Variants in CHN1 observed in about 807,000 individuals in gnomAD.
CHN1 encodes N-chimaerin.
A neutral mutation model predicts 59.5 loss-of-function variants in CHN1; 37 were observed. That is an observed-to-expected ratio of 0.62 (90% confidence interval 0.48 to 0.82). The LOEUF (loss-of-function observed/expected upper bound fraction) is 0.82. CHN1 is among the 40% of genes least tolerant of loss of function. The pLI, the probability that CHN1 is intolerant of heterozygous loss-of-function variation, is 0.00. For missense variants in CHN1, 469 were observed against 571.0 expected (o/e 0.82, Z 1.82); for synonymous variants, 206 against 200.4 (o/e 1.03, Z -0.24).
In CHN1 at chr2:174,811,562, C is replaced by G. The variant is rs748359902; in HGVS notation, c.913G>C (p.Val305Leu). Residue 305 changes from valine to leucine, a missense_variant, in exon 10 of 13, where the codon GTA (valine) becomes CTA (leucine). By Grantham distance (32) the Val-to-Leu change is conservative. Transcript: ENST00000409900. ...TCAATTAGGTCACTAAATCCTGATA[C>G]TCGGTATAGTCCTTCAGAATTAAGA... Reference protein sequence around the residue: ...RGLNSEGLYRVSGFSDLIEDV... With the variant: ...RGLNSEGLYRLSGFSDLIEDV... 5 of 1,610,964 alleles carry G rather than the reference C, an allele frequency of 3.1e-6. No individual in the cohort carries two copies. The highest frequency in any genetic ancestry group is 4.2e-6 in the Non-Finnish European group (5 of 1,178,162).
intron 6 of CHN1, among the ~76,000 whole-genome samples, chr2:174,871,756 G>C (rs1460760275): frequency 6.6e-6 from 1 of 152,164 alleles, no homozygotes; most frequent in Admixed American, 6.5e-5. Context: ...AGATGCCTAA[G>C]TGTTATTAAA....
intron 10 of CHN1, 80 bp from the exon 11 acceptor site, chr2:174,809,122 A>G (rs1223654393): frequency 2.9e-5 from 37 of 1,265,254 alleles, no homozygotes; most frequent in African/African-American, 3.0e-5. Flanking sequence ...TCTGTATACA[A>G]ATCAGATTTT....
intron 11 of CHN1, among the ~76,000 whole-genome samples, chr2:174,803,791 C>A (rs544887246): frequency 6.6e-6 from 1 of 151,936 alleles, no homozygotes; most frequent in Non-Finnish European, 1.5e-5. Flanking sequence ...TGGGCTCAAG[C>A]GATCCTCCTG....
intron 8 of CHN1, among the ~76,000 whole-genome samples, chr2:174,819,908 T>C (rs1256356127): frequency 6.2e-5 from 9 of 145,912 alleles, no homozygotes; most frequent in African/African-American, 1.3e-4. Context: ...AGTGAGAACA[T>C]GCAGTGTTTG....
rs1244598472 is a variant in CHN1, at chr2:174,800,253, C to G, written c.1243G>C (p.Ala415Pro). ...TLHEKENLMN[A>P]ENLGIVFGPT... ...CCAAAGACGATTCCAAGGTTCTCTG[C>G]ATTCATAAGATTCTCCTTTTCGTGG... Residue 415 changes from alanine to proline, a missense_variant, in exon 13 of 13, where the codon GCA becomes CCA. Around this residue, in one of 5 missense-constraint regions of CHN1, gnomAD observed 225 missense variants for 289.9 expected, o/e 0.78. Transcript: ENST00000409900. The G allele has an allele frequency of 1.4e-6, 2 of 1,452,012 alleles. No individual in the cohort carries two copies. Among genetic ancestry groups the G allele is most frequent in the Non-Finnish European group, 1.8e-6 (2 of 1,101,890 alleles). 89.9% of individuals were successfully genotyped at this position (1,452,012 alleles called of 1,614,324 possible). A position where few individuals can be genotyped will look rare whatever the true frequency, so the allele number is the denominator to read the frequency against.
chr2:174,896,196 TGTATTCCTGAG>T (rs1249745082), intron 5 of CHN1, among the ~76,000 whole-genome samples: 1 of 152,146 alleles, frequency 6.6e-6, no homozygotes, highest in Non-Finnish European at 1.5e-5. Context: ...GAGCCTGGTT[TGTATTCCTGAG>T]GTAGAACTGA....
chr2:174,910,899 C>CAAAAAAAAAAAAAAAAAAAAAAA (rs10568066), intron 5 of CHN1, among the ~76,000 whole-genome samples: 1 of 76,638 alleles, frequency 1.3e-5, no homozygotes, highest in Non-Finnish European at 2.5e-5. Context: ...GACTCCGTCT[C>CAAAAAAAAAAAAAAAAAAAAAAA]AAAAAAAAAA....
chr2:174,916,297 G>A (rs1014750025), intron 4 of CHN1, among the ~76,000 whole-genome samples: 4 of 152,104 alleles, frequency 2.6e-5, no homozygotes, highest in African/African-American at 9.7e-5. Flanking sequence ...TTTGGAGTGG[G>A]ATTCACTTTA....
chr2:174,925,686 T>C (rs1372501093), intron 3 of CHN1, among the ~76,000 whole-genome samples: 1 of 152,244 alleles, frequency 6.6e-6, no homozygotes. Context: ...CGACTTCAAG[T>C]CTTTAAGCAA....
chr2:174,838,252 C>T (rs1189858975), intron 7 of CHN1, among the ~76,000 whole-genome samples: 1 of 152,124 alleles, frequency 6.6e-6, no homozygotes, highest in African/African-American at 2.4e-5. Flanking sequence ...CACCATCACG[C>T]CCGGCTAATT....
chr2:174,888,176 A>G (rs2105344117), intron 5 of CHN1, among the ~76,000 whole-genome samples: 1 of 152,344 alleles, frequency 6.6e-6, no homozygotes, highest in Admixed American at 6.5e-5. Flanking sequence ...CTTGAGTCAT[A>G]AATACATTTT....
At chr2:174,885,266 C>A (rs890154855) in intron 5 of CHN1, among the ~76,000 whole-genome samples, 14 of 150,574 alleles carry the variant, frequency 9.3e-5, no homozygotes, top group African/African-American at 3.4e-4. Context: ...CAGAGCGAGA[C>A]TCGGTCTCAA....
intron 11 of CHN1, 98 bp from the exon 12 acceptor site, chr2:174,801,910 G>A: frequency 1.1e-6 from 1 of 901,540 alleles, no homozygotes; most frequent in Non-Finnish European, 1.8e-6. Flanking sequence ...CTCTGAAACT[G>A]GTAAGAAATG....
rs534228824 is a variant in CHN1 at position 174,853,453 on chromosome 2, C to G, written c.550-6496G>C. On this transcript the variant is annotated intron_variant, in intron 6 of 12. Transcript: ENST00000409900. ...TTAAAAAGTCAGAAAACAACAGATG[C>G]TGATGAGGCTGTGGAGAAAAGAGAA... Among the ~76,000 whole-genome samples the G allele has an allele frequency of 2.6e-5, 4 of 152,244 alleles. 1 individual carries two copies. Among genetic ancestry groups the G allele is most frequent in the African/African-American group, 9.6e-5 (4 of 41,554 alleles).
chr2:175,005,324 C>T lies in CHN1; in HGVS notation c.-412G>A. On this transcript the variant is annotated 5_prime_UTR_variant, in exon 1 of 13. Transcript: ENST00000409900. ...CAGCCTCGCACAGCCCCCGGCGGGG[C>T]GCGCTCACTCCGCATCCCGCGGCCT... 1.7e-6 allele frequency: 2 copies of T among 1,175,110 alleles called. No homozygotes were observed. Among genetic ancestry groups the T allele is most frequent in the Non-Finnish European group, 2.1e-6 (2 of 933,188 alleles). The allele number at this position is 1,175,110 out of a possible 1,614,324, so 72.8% of individuals were successfully genotyped here.
At chr2:174,997,565 A>G (rs192109841) in intron 1 of CHN1, among the ~76,000 whole-genome samples, 42 of 152,308 alleles carry the variant, frequency 2.8e-4, no homozygotes, top group African/African-American at 1.0e-3. Flanking sequence ...GGAGGTCTGC[A>G]GGAAAAAATA....
chr2:174,858,852 AAG>A (rs1686983514), intron 6 of CHN1, among the ~76,000 whole-genome samples: 3 of 152,028 alleles, frequency 2.0e-5, no homozygotes, highest in African/African-American at 7.2e-5. Flanking sequence ...GTTAGAAAGG[AAG>A]ACACAGAAAG....
chr2:174,957,390 T>C (rs1690240984), intron 1 of CHN1, among the ~76,000 whole-genome samples: 1 of 143,716 alleles, frequency 7.0e-6, no homozygotes, highest in East Asian at 2.3e-4. Flanking sequence ...TCAAATTTTT[T>C]ACTTCTCTGT....
intron 1 of CHN1, among the ~76,000 whole-genome samples, chr2:174,963,655 C>T (rs1180497003): frequency 6.6e-6 from 1 of 152,194 alleles, no homozygotes; most frequent in Non-Finnish European, 1.5e-5. Flanking sequence ...ACAAATAACG[C>T]ACTATGAGTT....
Sources: gnomAD v4.1 joint callset for allele counts (sites outside exome capture counted in the v4.1 genomes callset) on GRCh38, gnomAD v4.1.1 for gene constraint, gnomAD v4.1.1 regional missense constraint, MANE v1.5 for transcripts, NCBI Gene and HGNC (gene_info 2026-07-23, HGNC 2026-07-21) for gene names.